Variants in KRT73 observed in about 807,000 individuals in gnomAD.
KRT73 encodes keratin, type II cytoskeletal 73.
In KRT73, 44 loss-of-function variants were observed where a neutral mutation model predicts 47.2. The observed-to-expected ratio is 0.93, with a 90% CI of 0.73 to 1.20. The LOEUF is 1.20. Ranked by LOEUF, KRT73 falls within the 50% of genes most tolerant of loss-of-function variation. The pLI is 0.00. For missense variants in KRT73, 713 were observed against 704.5 expected (o/e 1.01, Z -0.14); for synonymous variants, 285 against 291.3 (o/e 0.98, Z 0.22).
In KRT73 at chr12:52,610,603, G is replaced by A. The variant is rs189941791; in HGVS notation, c.1331+12C>T. 2.3e-5 allele frequency: 32 copies of A among 1,398,852 alleles called. No homozygotes were observed. Among genetic ancestry groups the A allele is most frequent in the Admixed American group, 1.9e-4 (9 of 47,936 alleles). 86.7% of individuals were successfully genotyped at this position (1,398,852 alleles called of 1,614,324 possible). On this transcript the variant is annotated intron_variant, in intron 7 of 8. Coordinates refer to ENST00000305748, the MANE Select transcript of KRT73 (RefSeq NM_175068.3). ...GACTTGCAGTTTCTTCCAGTCCCTC[G>A]GTCCCACCCACCTGCACTCCTCGCC...
At chr12:52,623,857 A>G in the KRT73 span, among the ~76,000 whole-genome samples, 1 of 152,116 alleles carries the variant, frequency 6.6e-6, no homozygotes, top group Non-Finnish European at 1.5e-5. Context: ...ACATAAATCA[A>G]AATGGATTCT....
chr12:52,625,578 G>A, the KRT73 span, among the ~76,000 whole-genome samples: 4 of 150,498 alleles, frequency 2.7e-5, no homozygotes, highest in African/African-American at 9.9e-5. Flanking sequence ...CAGTTTAGCA[G>A]TTTTTAAAGA....
intron 3 of KRT73, chr12:52,614,919 C>T (rs915723473): frequency 1.7e-5 from 9 of 530,312 alleles, no homozygotes; most frequent in Non-Finnish European, 2.7e-5. Context: ...ACTCTATACC[C>T]CACTCAGCCA....
chr12:52,613,901 G>T (rs1285392102), intron 4 of KRT73, 49 bp from the exon 5 acceptor site: 2 of 1,591,388 alleles, frequency 1.3e-6, no homozygotes, highest in Admixed American at 1.7e-5. Flanking sequence ...ACCAGAGAAA[G>T]GTCCCAAGGT....
upstream of KRT73, among the ~76,000 whole-genome samples, chr12:52,620,063 G>A (rs1471881260): frequency 6.8e-6 from 1 of 147,516 alleles, no homozygotes; most frequent in Admixed American, 6.7e-5. Flanking sequence ...CCACTTGGAA[G>A]TCCTTTAATC....
At chr12:52,617,593 G>C (rs1212068131) in intron 1 of KRT73, among the ~76,000 whole-genome samples, 1 of 152,182 alleles carries the variant, frequency 6.6e-6, no homozygotes, top group Non-Finnish European at 1.5e-5. Context: ...TGGGTCGCAT[G>C]GCAGTCTAGA....
intron 3 of KRT73, 102 bp from the exon 4 acceptor site, chr12:52,614,776 G>A (rs1940778230): frequency 2.3e-6 from 2 of 886,654 alleles, no homozygotes; most frequent in Non-Finnish European, 3.4e-6. Flanking sequence ...TAGCTGCCCA[G>A]GACTTCAGAT....
intron 1 of KRT73, among the ~76,000 whole-genome samples, chr12:52,617,875 G>A (rs543279670): frequency 2.0e-5 from 3 of 152,328 alleles, no homozygotes; most frequent in Admixed American, 1.3e-4. Flanking sequence ...ATGAAGGCGG[G>A]GGAAGGAAGG....
At chr12:52,612,111 A>T (rs1940715331) in intron 5 of KRT73, among the ~76,000 whole-genome samples, 1 of 152,214 alleles carries the variant, frequency 6.6e-6, no homozygotes, top group African/African-American at 2.4e-5. Flanking sequence ...GAGTGAGCCA[A>T]TGAGCTGTCC....
rs1592245398 is a variant in KRT73 at position 52,616,489 on chromosome 12, C to T, written c.448-109G>A. 2.1e-6 allele frequency: 3 copies of T among 1,398,444 alleles called. No homozygotes were observed. In the East Asian group the frequency reaches 7.2e-5, roughly 34 times the overall value. 86.6% of individuals were successfully genotyped at this position (1,398,444 alleles called of 1,614,324 possible). ...TGCTACATTAGCTTTAAAAATGAGC[C>T]TCAGCCCTTAAAAACTGCCACCCAT... On this transcript the variant is annotated intron_variant, in intron 1 of 8. Transcript: ENST00000305748.
chr12:52,608,596 T>C (rs192307124), intron 8 of KRT73, 144 bp from the exon 9 acceptor site: 24 of 706,732 alleles, frequency 3.4e-5, no homozygotes, highest in Admixed American at 2.0e-4. Context: ...TTGGGTTCAT[T>C]TGAGCAACTC....
rs2120882216 is a variant in KRT73, at chr12:52,618,165, C to T, written c.360G>A (p.Glu120=). 6.2e-7 allele frequency: 1 copy of T among 1,614,040 alleles called. No homozygotes were observed. The highest frequency in any genetic ancestry group is 8.5e-7 in the Non-Finnish European group (1 of 1,179,948). ...GCACTTTCTGGATTTCAGGGTCCAGCTCCACGTTCAGGGGTGCCAGGAGGC... is the reference window on the plus strand; with the variant it reads ...GCACTTTCTGGATTTCAGGGTCCAGTTCCACGTTCAGGGGTGCCAGGAGGC... ...NKSLLAPLNV[E]LDPEIQKVRA... is the part of the protein sequence containing the mutation. Residue 120 remains glutamate, a synonymous_variant, in exon 1 of 9, where the codon GAG becomes GAA. Coordinates refer to ENST00000305748, the MANE Select transcript of KRT73 (RefSeq NM_175068.3).
At position 52,614,417 on chromosome 12, in the gene KRT73, A is replaced by C. The variant is rs540349834; in HGVS notation, c.819+162T>G. On this transcript the variant is annotated intron_variant, in intron 4 of 8. Coordinates refer to ENST00000305748, the MANE Select transcript of KRT73 (RefSeq NM_175068.3). ...CAGGGCAGTCAGGGATGGATGGGGC[A>C]CCAGGATAGATGGCCACTCCCACCT... 6 of 576,758 alleles carry C rather than the reference A, an allele frequency of 1.0e-5. No individual in the cohort carries two copies. The Admixed American group carries it at 1.7e-4, about 16-fold the overall frequency. 35.7% of individuals were successfully genotyped at this position (576,758 alleles called of 1,614,324 possible).
Position 52,616,210 on chromosome 12 carries a change from C to G in KRT73, c.618G>C (p.Ser206=), listed in dbSNP as rs139888404. The G allele has an allele frequency of 1.9e-6, 3 of 1,614,032 alleles. No homozygotes were observed. The highest frequency in any genetic ancestry group is 2.7e-5 in the African/African-American group (2 of 74,920). ...TLSGDRVRLD[S]ELRSVREVVE... is the part of the protein sequence containing the mutation. Reference sequence around the variant, plus strand: ...CCACTTCGCGCACGCTCCTCAGCTCCGAGTCCAGCCTCACCCTGTCCCCAG... The same window carrying G: ...CCACTTCGCGCACGCTCCTCAGCTCGGAGTCCAGCCTCACCCTGTCCCCAG... The change falls in exon 2 of 9, where the codon TCG becomes TCC. Residue 206 remains serine (S), a synonymous_variant. Transcript: ENST00000305748.
upstream of KRT73, among the ~76,000 whole-genome samples, chr12:52,622,084 T>TA (rs1458639628): frequency 1.3e-5 from 2 of 152,042 alleles, no homozygotes; most frequent in South Asian, 2.1e-4. Flanking sequence ...AATGTTTATT[T>TA]AAAAAATCAC....
chr12:52,613,625 A>G, intron 5 of KRT73, 63 bp downstream of exon 5: 2 of 1,595,040 alleles, frequency 1.3e-6, no homozygotes, highest in Non-Finnish European at 1.7e-6. Context: ...CATGGGGCAG[A>G]CAAGACAGAG....
the KRT73 span, among the ~76,000 whole-genome samples, chr12:52,628,822 C>G: frequency 2.9e-4 from 44 of 152,238 alleles, no homozygotes; most frequent in Middle Eastern, 0.01. Context: ...ACCCAAAAGC[C>G]CATCTCCACA....
At chr12:52,616,457 T>A in intron 1 of KRT73, 77 bp from the exon 2 acceptor site, 1 of 1,555,384 alleles carries the variant, frequency 6.4e-7, no homozygotes, top group Non-Finnish European at 8.8e-7. Context: ...GGAACTGTGT[T>A]TTCTTATGCT....
At chr12:52,622,643 G>A (rs1940923222), upstream of KRT73, among the ~76,000 whole-genome samples, 1 of 152,004 alleles carries the variant, frequency 6.6e-6, no homozygotes, top group Admixed American at 6.5e-5. Context: ...TAGAAATGAG[G>A]CCTTCTATCC....
Sources: allele counts gnomAD v4.1 joint callset (sites outside exome capture counted in the v4.1 genomes callset), GRCh38; gene constraint gnomAD v4.1.1; transcripts MANE v1.5; gene names NCBI Gene and HGNC (gene_info 2026-07-23, HGNC 2026-07-21).